Variants in GAS2 observed in about 807,000 individuals in gnomAD.
GAS2 encodes growth arrest specific 2.
In GAS2, 20 loss-of-function variants were observed where a neutral mutation model predicts 37.5. The ratio of observed to expected loss-of-function variants is 0.53; its 90% confidence interval spans 0.37 to 0.77. The LOEUF is 0.77. GAS2 is among the 30% of genes least tolerant of loss of function. The probability of loss-of-function intolerance (pLI) is 0.00; values close to 1 mark genes in which losing one functional copy is unlikely to be tolerated. For missense variants in GAS2, 336 were observed against 373.4 expected (o/e 0.90, Z 0.82); for synonymous variants, 144 against 132.2 (o/e 1.09, Z -0.61).
intron 7 of GAS2, among the ~76,000 whole-genome samples, chr11:22,758,926 A>AAAAAAAAAAAAG (rs1854209303): frequency 2.0e-5 from 3 of 150,798 alleles, no homozygotes; most frequent in Admixed American, 6.6e-5. Context: ...AAAAAAAAAA[A>AAAAAAAAAAAAG]AGAGAAAGTC....
intron 2 of GAS2, among the ~76,000 whole-genome samples, chr11:22,675,795 G>T (rs903893749): frequency 1.3e-5 from 2 of 152,158 alleles, no homozygotes; most frequent in African/African-American, 4.8e-5. Context: ...CATATCATTT[G>T]CAGGGGAGAT....
rs1306696776 is a variant in GAS2 at position 22,789,451 on chromosome 11, TA to T, written c.724-22346del. Reference sequence around the variant, plus strand: ...ATATATATATATATATATATATATATATATTCTTTTTTTTTTTTTTTTTTTT... The same window carrying T: ...ATATATATATATATATATATATATATTATTCTTTTTTTTTTTTTTTTTTTT... On this transcript the variant is annotated intron_variant, in intron 7 of 7. Transcript: ENST00000454584. Among the ~76,000 whole-genome samples, 596 of 86,936 alleles carry T rather than the reference TA, an allele frequency of 6.9e-3. 24 individuals are homozygous for T. Among genetic ancestry groups the T allele is most frequent in the African/African-American group, 0.025 (573 of 22,596 alleles). The allele number at this position is 86,936 out of a possible 152,430, so 57.0% of individuals were successfully genotyped here. A position where few individuals can be genotyped will look rare whatever the true frequency, so the allele number is the denominator to read the frequency against.
At chr11:22,739,105 G>A (rs375415640) in intron 5 of GAS2, among the ~76,000 whole-genome samples, 3 of 152,090 alleles carry the variant, frequency 2.0e-5, no homozygotes, top group Non-Finnish European at 2.9e-5. Flanking sequence ...TTAGGACTTC[G>A]TTCTCTATCA....
intron 3 of GAS2, among the ~76,000 whole-genome samples, chr11:22,692,641 T>C (rs918038833): frequency 6.6e-6 from 1 of 152,180 alleles, no homozygotes; most frequent in Admixed American, 6.5e-5. Flanking sequence ...ATCTCAGCCA[T>C]CAGAGGTATA....
chr11:22,811,746 G>C (rs1471250600), intron 7 of GAS2, 52 bp from the exon 8 acceptor site: 1 of 1,527,478 alleles, frequency 6.5e-7, no homozygotes, highest in Non-Finnish European at 9.1e-7. Flanking sequence ...GTTGATTCAA[G>C]GTACTGTAAG....
intron 3 of GAS2, among the ~76,000 whole-genome samples, chr11:22,699,122 T>C (rs1398197222): frequency 6.6e-6 from 1 of 152,160 alleles, no homozygotes; most frequent in Non-Finnish European, 1.5e-5. Flanking sequence ...CCATTATCGG[T>C]CTCAACACCA....
intron 4 of GAS2, among the ~76,000 whole-genome samples, chr11:22,731,614 G>A (rs1413573292): frequency 1.3e-5 from 2 of 151,700 alleles, no homozygotes; most frequent in Non-Finnish European, 2.9e-5. Context: ...AAAAAGGTTT[G>A]TGTGTGGATT....
intron 6 of GAS2, among the ~76,000 whole-genome samples, chr11:22,752,290 TC>T (rs1320484172): frequency 6.6e-6 from 1 of 152,040 alleles, no homozygotes; most frequent in Non-Finnish European, 1.5e-5. Flanking sequence ...AGTCTCTTAT[TC>T]CTTCATTTTA....
intron 1 of GAS2, among the ~76,000 whole-genome samples, chr11:22,640,766 G>T (rs890914639): frequency 1.3e-5 from 2 of 151,972 alleles, no homozygotes; most frequent in African/African-American, 2.4e-5. Flanking sequence ...TTTTCACCAC[G>T]TATGTATATA....
At chr11:22,707,866 G>A (rs1476568931) in intron 3 of GAS2, among the ~76,000 whole-genome samples, 10 of 152,158 alleles carry the variant, frequency 6.6e-5, no homozygotes, top group Non-Finnish European at 1.5e-4. Flanking sequence ...GCTGGAGAAT[G>A]AGAACATTAA....
intron 1 of GAS2, among the ~76,000 whole-genome samples, chr11:22,651,853 C>A (rs1211897971): frequency 2.0e-5 from 3 of 152,070 alleles, no homozygotes; most frequent in African/African-American, 7.2e-5. Context: ...ACTTCTTTGC[C>A]TTTGGTTTGA....
chr11:22,735,101 T>A (rs1453630553), intron 4 of GAS2, among the ~76,000 whole-genome samples: 1 of 151,690 alleles, frequency 6.6e-6, no homozygotes, highest in East Asian at 1.9e-4. Flanking sequence ...ACCACATAAC[T>A]ATCATCTTCC....
chr11:22,682,870 A>G (rs1215893547), intron 2 of GAS2, among the ~76,000 whole-genome samples: 1 of 16,172 alleles, frequency 6.2e-5, no homozygotes, highest in African/African-American at 1.1e-4. Flanking sequence ...ACTTTCTGCT[A>G]AAAAAAAAAA....
chr11:22,745,531 C>G (rs537677514), intron 5 of GAS2, among the ~76,000 whole-genome samples: 1 of 152,078 alleles, frequency 6.6e-6, no homozygotes, highest in South Asian at 2.1e-4. Context: ...CTAGGAAATA[C>G]TAGGATTCCT....
At chr11:22,803,632 G>A (rs187785738) in intron 7 of GAS2, among the ~76,000 whole-genome samples, 6 of 152,192 alleles carry the variant, frequency 3.9e-5, no homozygotes, top group African/African-American at 1.4e-4. Flanking sequence ...ATCTATAAAA[G>A]GAGTAATACT....
intron 1 of GAS2, among the ~76,000 whole-genome samples, chr11:22,651,254 T>A (rs1848771980): frequency 6.6e-6 from 1 of 152,230 alleles, no homozygotes. Flanking sequence ...GCCCCCACTG[T>A]CTTCTGGCTT....
chr11:22,790,829 T>C (rs1393026308), intron 7 of GAS2, among the ~76,000 whole-genome samples: 1 of 151,890 alleles, frequency 6.6e-6, no homozygotes, highest in African/African-American at 2.4e-5. Flanking sequence ...TAAATATAGA[T>C]AGATAATATA....
chr11:22,716,681 C>T (rs1851696365), intron 3 of GAS2, among the ~76,000 whole-genome samples: 1 of 151,274 alleles, frequency 6.6e-6, no homozygotes, highest in Admixed American at 6.6e-5. Flanking sequence ...AAAGGACATT[C>T]AAATTAGTAA....
intron 3 of GAS2, among the ~76,000 whole-genome samples, chr11:22,704,505 A>G (rs1851003679): frequency 6.7e-6 from 1 of 148,742 alleles, no homozygotes; most frequent in South Asian, 2.1e-4. Context: ...AATTTTTACC[A>G]ATGAGAAAGC....
Sources: gnomAD v4.1 joint callset for allele counts (sites outside exome capture counted in the v4.1 genomes callset) on GRCh38, gnomAD v4.1.1 for gene constraint, MANE v1.5 for transcripts, NCBI Gene and HGNC (gene_info 2026-07-23, HGNC 2026-07-21) for gene names.